HEMK2: variants seen among roughly 807,000 people sequenced by gnomAD.
HEMK2 encodes methyltransferase HEMK2.
At chr21:28,804,778 G>C in the HEMK2 span, among the ~76,000 whole-genome samples, 1 of 152,202 alleles carries the variant, frequency 6.6e-6, no homozygotes, top group African/African-American at 2.4e-5. Flanking sequence ...CACATGGCAT[G>C]TGCACATTTC....
At chr21:28,650,462 A>C in the HEMK2 span, among the ~76,000 whole-genome samples, 1 of 152,164 alleles carries the variant, frequency 6.6e-6, no homozygotes, top group Non-Finnish European at 1.5e-5. Flanking sequence ...TGGTCATGGA[A>C]AGGAATAGAG....
At chr21:28,741,914 A>G in the HEMK2 span, among the ~76,000 whole-genome samples, 2 of 152,196 alleles carry the variant, frequency 1.3e-5, no homozygotes, top group Non-Finnish European at 2.9e-5. Context: ...TCCTTTGGGT[A>G]TATACCTAGT....
the HEMK2 span, among the ~76,000 whole-genome samples, chr21:28,734,237 A>G: frequency 6.6e-6 from 1 of 152,202 alleles, no homozygotes; most frequent in African/African-American, 2.4e-5. Flanking sequence ...GGCTGAGTTC[A>G]TTGAAAACAG....
the HEMK2 span, among the ~76,000 whole-genome samples, chr21:28,771,204 G>A: frequency 5.9e-3 from 902 of 152,258 alleles, 8 homozygotes; most frequent in Non-Finnish European, 6.2e-3. Context: ...CCCAGTTTGA[G>A]GTCACCACTG....
At chr21:28,666,368 C>G in the HEMK2 span, among the ~76,000 whole-genome samples, 1 of 152,172 alleles carries the variant, frequency 6.6e-6, no homozygotes, top group Non-Finnish European at 1.5e-5. Context: ...AAGTAGTTGT[C>G]TGTTCAATTT....
At chr21:28,699,330 G>A in the HEMK2 span, among the ~76,000 whole-genome samples, 4 of 152,174 alleles carry the variant, frequency 2.6e-5, no homozygotes, top group Non-Finnish European at 1.5e-5. Flanking sequence ...GTTTTGGTGT[G>A]TGGTGAGGGC....
chr21:28,822,572 C>CATATATATATAT, the HEMK2 span, among the ~76,000 whole-genome samples: 5 of 147,634 alleles, frequency 3.4e-5, no homozygotes, highest in African/African-American at 1.2e-4. Flanking sequence ...GGCTACAATG[C>CATATATATATAT]ATATATATAT....
At chr21:28,730,065 T>C in the HEMK2 span, among the ~76,000 whole-genome samples, 1 of 152,000 alleles carries the variant, frequency 6.6e-6, no homozygotes, top group African/African-American at 2.4e-5. Flanking sequence ...ACAAAATCCC[T>C]CAAAGCTAAG....
the HEMK2 span, among the ~76,000 whole-genome samples, chr21:28,700,267 T>A: frequency 1.1e-4 from 16 of 152,186 alleles, no homozygotes; most frequent in Non-Finnish European, 2.1e-4. Flanking sequence ...ACAACTGTCC[T>A]CATCATAATC....
At chr21:28,578,825 T>C in the HEMK2 span, among the ~76,000 whole-genome samples, 3 of 152,130 alleles carry the variant, frequency 2.0e-5, no homozygotes, top group Admixed American at 2.0e-4. Context: ...GCACACGTAA[T>C]ATTGGGACTT....
the HEMK2 span, among the ~76,000 whole-genome samples, chr21:28,584,674 GC>G: frequency 6.6e-6 from 1 of 152,094 alleles, no homozygotes; most frequent in African/African-American, 2.4e-5. Flanking sequence ...TGATCAGTGG[GC>G]CCAGGGGAGC....
At chr21:28,647,708 C>T in the HEMK2 span, among the ~76,000 whole-genome samples, 2 of 152,144 alleles carry the variant, frequency 1.3e-5, no homozygotes, top group Admixed American at 1.3e-4. Flanking sequence ...ACCCTGCAGA[C>T]CTCTTACATG....
chr21:28,799,269 T>C, the HEMK2 span, among the ~76,000 whole-genome samples: 4 of 152,210 alleles, frequency 2.6e-5, no homozygotes, highest in Non-Finnish European at 5.9e-5. Context: ...TCTCACATGG[T>C]GGCAAACAAG....
At chr21:28,680,563 C>G in the HEMK2 span, among the ~76,000 whole-genome samples, 1 of 152,152 alleles carries the variant, frequency 6.6e-6, no homozygotes, top group Non-Finnish European at 1.5e-5. Context: ...AGGCCAGCAT[C>G]ATCCTGATAC....
At chr21:28,616,993 T>C in the HEMK2 span, among the ~76,000 whole-genome samples, 1 of 152,198 alleles carries the variant, frequency 6.6e-6, no homozygotes, top group South Asian at 2.1e-4. Context: ...TGATAGAGCT[T>C]AGGCTCCAGT....
the HEMK2 span, among the ~76,000 whole-genome samples, chr21:28,658,360 G>A: frequency 1.3e-5 from 2 of 152,046 alleles, no homozygotes; most frequent in Non-Finnish European, 2.9e-5. Context: ...TGGCTTGAGG[G>A]CCCTAAGAAA....
At chr21:28,603,549 A>ATATGTGTGTGTGTG in the HEMK2 span, among the ~76,000 whole-genome samples, 7 of 135,732 alleles carry the variant, frequency 5.2e-5, no homozygotes, top group African/African-American at 1.9e-4. Context: ...GAGGATATAT[A>ATATGTGTGTGTGTG]TGTGTGTGTG....
the HEMK2 span, among the ~76,000 whole-genome samples, chr21:28,796,818 C>A: frequency 6.6e-6 from 1 of 152,304 alleles, no homozygotes; most frequent in African/African-American, 2.4e-5. Context: ...GATCCTCCCG[C>A]CTTAGCCTCC....
chr21:28,658,935 A>G, the HEMK2 span, among the ~76,000 whole-genome samples: 1 of 152,108 alleles, frequency 6.6e-6, no homozygotes, highest in African/African-American at 2.4e-5. Context: ...CTAAAGTTCC[A>G]AAGTCCATGT....
Sources: allele counts gnomAD v4.1 joint callset (sites outside exome capture counted in the v4.1 genomes callset), GRCh38; gene constraint gnomAD v4.1.1; transcripts MANE v1.5; gene names NCBI Gene and HGNC (gene_info 2026-07-23, HGNC 2026-07-21).